Variants in COP1 observed in about 807,000 individuals in gnomAD.
The protein encoded by COP1 is COP1 E3 ubiquitin ligase.
COP1 carries 24 observed loss-of-function variants against 101.3 expected under a neutral mutation model. That is an observed-to-expected ratio of 0.24 (90% CI 0.17 to 0.33). COP1 has a LOEUF of 0.33. Ranked by LOEUF, COP1 falls within the 10% of genes least tolerant of loss-of-function variation. The pLI, the probability that COP1 is intolerant of heterozygous loss-of-function variation, is 1.00. For synonymous variants in COP1, 347 were observed against 341.9 expected, an observed-to-expected ratio of 1.01 and a Z score of -0.17; for missense variants, 663 against 906.2, an observed-to-expected ratio of 0.73 and a Z score of 3.45.
chr1:176,081,737 T>C lies in COP1; in HGVS notation c.1142-450A>G, dbSNP rs549362390. On this transcript the variant is annotated intron_variant, in intron 10 of 19. Coordinates refer to ENST00000367669, the MANE Select transcript of COP1 (RefSeq NM_022457.7). Reference sequence around the variant, plus strand: ...GTTTATAATAACATTTTAGATAAAATAGTTTATAAATAAGAAGAAATATTT... The same window carrying C: ...GTTTATAATAACATTTTAGATAAAACAGTTTATAAATAAGAAGAAATATTT... 3.9e-4 allele frequency among the ~76,000 whole-genome samples: 59 copies of C among 152,204 alleles called. 2 individuals are homozygous for C. In the South Asian group the frequency reaches 0.011, roughly 29 times the overall value.
intron 18 of COP1, among the ~76,000 whole-genome samples, chr1:175,962,528 C>T (rs1053583257): frequency 6.6e-6 from 1 of 152,032 alleles, no homozygotes. Flanking sequence ...ACCTCCAAAC[C>T]GAGCCTTTTC....
At chr1:176,198,028 A>G (rs369666942) in intron 1 of COP1, among the ~76,000 whole-genome samples, 14 of 152,318 alleles carry the variant, frequency 9.2e-5, no homozygotes, top group African/African-American at 3.4e-4. Flanking sequence ...GGAGAAATAT[A>G]CTATGTTCAT....
At chr1:176,069,524 C>T (rs956804930) in intron 11 of COP1, among the ~76,000 whole-genome samples, 1 of 152,174 alleles carries the variant, frequency 6.6e-6, no homozygotes, top group Non-Finnish European at 1.5e-5. Flanking sequence ...ATCAGGTAAA[C>T]AGGAATACCC....
At chr1:176,100,720 C>A (rs1344545716) in intron 9 of COP1, among the ~76,000 whole-genome samples, 1 of 152,148 alleles carries the variant, frequency 6.6e-6, no homozygotes, top group African/African-American at 2.4e-5. Flanking sequence ...AAGAACTATG[C>A]ACCCAAATCT....
At chr1:176,194,033 A>G (rs1558295733) in intron 1 of COP1, among the ~76,000 whole-genome samples, 1 of 152,186 alleles carries the variant, frequency 6.6e-6, no homozygotes, top group Non-Finnish European at 1.5e-5. Context: ...ATGGAAATAC[A>G]CTATTGCAAA....
intron 5 of COP1, 37 bp from the exon 6 acceptor site, chr1:176,149,111 A>G (rs1313278255): frequency 2.9e-6 from 4 of 1,374,010 alleles, no homozygotes; most frequent in Non-Finnish European, 4.0e-6. Flanking sequence ...TTTAAAAAAT[A>G]TAACTGAGTT....
intron 3 of COP1, among the ~76,000 whole-genome samples, chr1:176,175,394 T>C (rs549236338): frequency 6.6e-6 from 1 of 152,234 alleles, no homozygotes; most frequent in Non-Finnish European, 1.5e-5. Context: ...AGAACAATTC[T>C]TCCAGACTGA....
At chr1:176,178,068 C>T (rs1478335328) in intron 2 of COP1, among the ~76,000 whole-genome samples, 1 of 152,080 alleles carries the variant, frequency 6.6e-6, no homozygotes, top group East Asian at 1.9e-4. Context: ...ACCATAATCA[C>T]AAAATATGCT....
At chr1:175,993,640 A>G (rs1276092963) in intron 15 of COP1, among the ~76,000 whole-genome samples, 1 of 152,252 alleles carries the variant, frequency 6.6e-6, no homozygotes, top group Non-Finnish European at 1.5e-5. Context: ...AAGAAAGGGT[A>G]TCAGTGATGG....
At chr1:176,164,767 A>C (rs889840121) in intron 3 of COP1, among the ~76,000 whole-genome samples, 1 of 152,206 alleles carries the variant, frequency 6.6e-6, no homozygotes, top group Admixed American at 6.5e-5. Context: ...ATTTTCCATA[A>C]TGTTTAACCA....
At chr1:175,952,148 G>A (rs911689770) in intron 18 of COP1, among the ~76,000 whole-genome samples, 12 of 152,194 alleles carry the variant, frequency 7.9e-5, no homozygotes, top group East Asian at 1.9e-4. Context: ...GAGGCCAGGC[G>A]CAGTGGCTCA....
At chr1:176,066,536 C>T (rs2502821) in intron 11 of COP1, among the ~76,000 whole-genome samples, 142,661 of 152,154 alleles carry the variant, frequency 0.94, 67,354 homozygotes, top group East Asian at 1. Flanking sequence ...TTTTTAAAGT[C>T]CAAAACTTCC....
intron 18 of COP1, chr1:175,968,675 T>C (rs1361379319): frequency 8.6e-6 from 3 of 349,848 alleles, no homozygotes; most frequent in African/African-American, 6.4e-5. Context: ...GAAGGCACAC[T>C]TAGCATACAA....
At chr1:176,137,499 C>T (rs1280705418) in intron 6 of COP1, among the ~76,000 whole-genome samples, 2 of 152,124 alleles carry the variant, frequency 1.3e-5, no homozygotes, top group African/African-American at 4.8e-5. Flanking sequence ...TTACTCTAAC[C>T]TGGAAATATT....
rs997814335 is a variant in COP1 at position 176,108,842 on chromosome 1, G to A, written c.1026+7782C>T. 4.6e-5 allele frequency among the ~76,000 whole-genome samples: 7 copies of A among 152,156 alleles called. 1 individual carries two copies. Among genetic ancestry groups the A allele is most frequent in the South Asian group, 2.1e-4 (1 of 4,812 alleles). On this transcript the variant is annotated intron_variant, in intron 9 of 19. Coordinates refer to ENST00000367669, the MANE Select transcript of COP1 (RefSeq NM_022457.7). ...TAAAAAGATAAAATTGGCCTGGAGC[G>A]GTGGCTCATGCCTCTAATCCCAGCA... is the stretch of plus-strand genomic sequence containing the variant.
rs370303352 is a variant in COP1 at position 176,055,673 on chromosome 1, C to T, written c.1278-9349G>A. Among the ~76,000 whole-genome samples, 110 of 152,296 alleles carry T rather than the reference C, an allele frequency of 7.2e-4. 1 individual carries two copies. The East Asian group carries it at 7.7e-3, about 11-fold the overall frequency. On this transcript the variant is annotated intron_variant, in intron 11 of 19. Coordinates refer to ENST00000367669, the MANE Select transcript of COP1 (RefSeq NM_022457.7). Reference sequence around the variant, plus strand: ...AACCTGATAGGCATAGTTAACCCGTCCAAAATTGAGTTTCTGAATCCCCTG... The same window carrying T: ...AACCTGATAGGCATAGTTAACCCGTTCAAAATTGAGTTTCTGAATCCCCTG...
At chr1:176,081,326 T>C (rs1163356305) in intron 10 of COP1, 39 bp from the exon 11 acceptor site, 3 of 1,506,620 alleles carry the variant, frequency 2.0e-6, no homozygotes, top group Non-Finnish European at 2.7e-6. Context: ...AACAGATGAA[T>C]TGAACTGCAA....
intron 18 of COP1, among the ~76,000 whole-genome samples, chr1:175,967,074 T>C (rs1261724006): frequency 1.3e-5 from 2 of 152,228 alleles, no homozygotes; most frequent in African/African-American, 4.8e-5. Context: ...TTCATTAGAA[T>C]GAACAGAACA....
chr1:176,058,990 CTG>C (rs1302267817), intron 11 of COP1, among the ~76,000 whole-genome samples: 4 of 152,236 alleles, frequency 2.6e-5, no homozygotes, highest in Non-Finnish European at 5.9e-5. Flanking sequence ...AATGCTCAGA[CTG>C]TGACATGGAT....
Sources: gnomAD v4.1 joint callset for allele counts (sites outside exome capture counted in the v4.1 genomes callset) on GRCh38, gnomAD v4.1.1 for gene constraint, MANE v1.5 for transcripts, NCBI Gene and HGNC (gene_info 2026-07-23, HGNC 2026-07-21) for gene names.